RGS5: variants seen among roughly 807,000 people sequenced by gnomAD.
The protein encoded by RGS5 is regulator of G-protein signalling 5.
RGS5 carries 20 observed loss-of-function variants against 18.9 expected under a neutral mutation model. The ratio of observed to expected loss-of-function variants is 1.06; its 90% CI spans 0.74 to 1.54. RGS5 has a LOEUF of 1.54. RGS5 is among the 40% of genes most tolerant of loss of function. The pLI is 0.00. For synonymous variants in RGS5, 57 were observed against 76.2 expected (o/e 0.75, Z 1.31); for missense variants, 201 against 211.8 (o/e 0.95, Z 0.32).
intron 2 of RGS5, among the ~76,000 whole-genome samples, chr1:163,257,983 C>T (rs1001419097): frequency 6.6e-6 from 1 of 152,176 alleles, no homozygotes; most frequent in African/African-American, 2.4e-5. Context: ...AGTGCTCCCT[C>T]AGGAGATGAA....
At chr1:163,267,096 A>C (rs1280251227) in intron 2 of RGS5, among the ~76,000 whole-genome samples, 1 of 151,984 alleles carries the variant, frequency 6.6e-6, no homozygotes, top group Non-Finnish European at 1.5e-5. Flanking sequence ...CCTAACCCTC[A>C]ATGTAACAGT....
At chr1:163,321,566 C>A (rs1186172802) in intron 1 of RGS5, 1 of 152,122 alleles carries the variant, frequency 6.6e-6, no homozygotes, top group African/African-American at 2.4e-5. Flanking sequence ...CTAACAAAAC[C>A]CGGCACATAA....
At chr1:163,165,912 A>AC (rs1658024112) in intron 2 of RGS5, among the ~76,000 whole-genome samples, 1 of 59,658 alleles carries the variant, frequency 1.7e-5, no homozygotes, top group South Asian at 9.5e-4. Context: ...TCTCAAAAAA[A>AC]AAACAAAAAA....
chr1:163,247,608 G>A (rs543072393), intron 2 of RGS5, among the ~76,000 whole-genome samples: 157 of 146,714 alleles, frequency 1.1e-3, no homozygotes, highest in African/African-American at 3.8e-3. Flanking sequence ...ATATGTATAC[G>A]TATGACATAT....
chr1:163,260,968 C>G (rs1450633680), intron 2 of RGS5, among the ~76,000 whole-genome samples: 1 of 152,184 alleles, frequency 6.6e-6, no homozygotes, highest in Admixed American at 6.5e-5. Flanking sequence ...GACATTTGGT[C>G]TCAATGTGTG....
At chr1:163,304,921 T>C (rs7530206) in intron 2 of RGS5, 1 of 152,040 alleles carries the variant, frequency 6.6e-6, no homozygotes, top group Non-Finnish European at 1.5e-5. Flanking sequence ...GTTTATAAGA[T>C]AGAGCGTTAT....
chr1:163,176,187 G>C (rs1658549268), intron 1 of RGS5, among the ~76,000 whole-genome samples: 1 of 152,180 alleles, frequency 6.6e-6, no homozygotes, highest in Admixed American at 6.5e-5. Context: ...TTATGTTCAA[G>C]CTGTTACCTC....
intron 2 of RGS5, among the ~76,000 whole-genome samples, chr1:163,269,730 T>G (rs1648669036): frequency 6.6e-6 from 1 of 152,210 alleles, no homozygotes; most frequent in South Asian, 2.1e-4. Context: ...TTTTCCGACT[T>G]CTGATCTACT....
At chr1:163,299,159 T>C (rs1168527204) in intron 2 of RGS5, among the ~76,000 whole-genome samples, 4 of 152,166 alleles carry the variant, frequency 2.6e-5, no homozygotes, top group East Asian at 1.9e-4. Flanking sequence ...GCAGTGCAGT[T>C]TTACAACCTT....
chr1:163,165,617 T>C (rs1188934278), intron 2 of RGS5, among the ~76,000 whole-genome samples: 1 of 152,042 alleles, frequency 6.6e-6, no homozygotes, highest in East Asian at 1.9e-4. Context: ...TAAGAGTAGG[T>C]CAACTGGGCT....
At chr1:163,301,715 C>G (rs1649557954) in intron 2 of RGS5, among the ~76,000 whole-genome samples, 1 of 152,186 alleles carries the variant, frequency 6.6e-6, no homozygotes, top group Admixed American at 6.5e-5. Context: ...AGGCCATAAG[C>G]CCCCGTGCTT....
chr1:163,267,233 CCTCT>C (rs1648592854), intron 2 of RGS5: 2 of 151,888 alleles, frequency 1.3e-5, no homozygotes, highest in Admixed American at 1.3e-4. Context: ...ATGCTTTCAC[CCTCT>C]CTCTCTTTTT....
intron 1 of RGS5, among the ~76,000 whole-genome samples, chr1:163,318,127 A>T (rs974173068): frequency 7.2e-5 from 11 of 152,188 alleles, no homozygotes; most frequent in African/African-American, 2.7e-4. Flanking sequence ...GAAAATAAAG[A>T]TAGTCCAGAC....
At chr1:163,204,842 C>A (rs996204204), upstream of RGS5, among the ~76,000 whole-genome samples, 2 of 151,960 alleles carry the variant, frequency 1.3e-5, no homozygotes, top group African/African-American at 2.4e-5. Flanking sequence ...TACCAAGGGG[C>A]CTTGAGGAGA....
intron 2 of RGS5, among the ~76,000 whole-genome samples, chr1:163,162,425 C>T (rs988659916): frequency 1.3e-5 from 2 of 152,168 alleles, no homozygotes; most frequent in African/African-American, 4.8e-5. Flanking sequence ...TGGGGTTCCA[C>T]ATCCACATCC....
chr1:163,296,658 C>T (rs1649425972), intron 2 of RGS5, among the ~76,000 whole-genome samples: 1 of 152,152 alleles, frequency 6.6e-6, no homozygotes, highest in African/African-American at 2.4e-5. Context: ...TTTATTCTAA[C>T]TATTAACCTT....
intron 2 of RGS5, among the ~76,000 whole-genome samples, chr1:163,229,676 C>T (rs760600056): frequency 3.9e-5 from 6 of 152,208 alleles, no homozygotes; most frequent in African/African-American, 7.2e-5. Context: ...GGAATGCTCT[C>T]CTCAGATAGC....
Position 163,242,194 on chromosome 1 carries a change from G to C in RGS5, c.-281+64039C>G, listed in dbSNP as rs780076034. On this transcript the variant is annotated intron_variant, in intron 2 of 5. Transcript: ENST00000618415. ...GAGTTAGTGGCTCCTTGAGGATAGA[G>C]AGATAATGGATCAAACATGGCATAT... 2.0e-5 allele frequency among the ~76,000 whole-genome samples: 3 copies of C among 152,092 alleles called. No individual in the cohort carries two copies. The South Asian group carries it at 6.2e-4, about 32-fold the overall frequency.
At chr1:163,229,683 T>C (rs1272948893) in intron 2 of RGS5, among the ~76,000 whole-genome samples, 2 of 152,234 alleles carry the variant, frequency 1.3e-5, no homozygotes, top group African/African-American at 4.8e-5. Context: ...TCTCCTCAGA[T>C]AGCTACATGG....
Sources: gnomAD v4.1 joint callset for allele counts (sites outside exome capture counted in the v4.1 genomes callset) on GRCh38, gnomAD v4.1.1 for gene constraint, MANE v1.5 for transcripts, NCBI Gene and HGNC (gene_info 2026-07-23, HGNC 2026-07-21) for gene names.